SLC8A1: variants seen among roughly 807,000 people sequenced by gnomAD.
SLC8A1 encodes the protein solute carrier family 8 member A1, also known as sodium/calcium exchanger 1.
SLC8A1 carries 18 observed loss-of-function variants against 68.3 expected under a neutral mutation model. That is an observed-to-expected ratio of 0.26 (90% CI 0.18 to 0.39). The LOEUF is 0.39. SLC8A1 is among the 10% of genes least tolerant of loss of function. The pLI is 1.00. For synonymous variants in SLC8A1, 475 were observed against 415.5 expected (o/e 1.14, Z -1.74); for missense variants, 985 against 1,156.7 (o/e 0.85, Z 2.15).
intron 2 of SLC8A1, among the ~76,000 whole-genome samples, chr2:40,324,255 C>G (rs2075558538): frequency 6.6e-6 from 1 of 152,080 alleles, no homozygotes. Flanking sequence ...TGAATTGATA[C>G]TCTAAGTGAG....
intron 1 of SLC8A1, among the ~76,000 whole-genome samples, chr2:40,470,462 A>G (rs1388548514): frequency 6.6e-6 from 1 of 152,062 alleles, no homozygotes; most frequent in Non-Finnish European, 1.5e-5. Context: ...CTAGGCTAAG[A>G]CATTATTATA....
intron 2 of SLC8A1, 125 bp downstream of exon 3, chr2:40,178,262 C>A: frequency 1.3e-6 from 1 of 764,850 alleles, no homozygotes; most frequent in Non-Finnish European, 2.3e-6. Context: ...AGCATGAGAT[C>A]TGTGCCCTGT....
At chr2:40,247,760 C>G (rs2062088073) in intron 2 of SLC8A1, among the ~76,000 whole-genome samples, 1 of 152,148 alleles carries the variant, frequency 6.6e-6, no homozygotes, top group East Asian at 1.9e-4. Flanking sequence ...GGGATTATCC[C>G]TGGAAGCCCT....
At chr2:40,150,129 G>T (rs1573191165) in intron 6 of SLC8A1, among the ~76,000 whole-genome samples, 1 of 151,374 alleles carries the variant, frequency 6.6e-6, no homozygotes, top group Non-Finnish European at 1.5e-5. Flanking sequence ...ATTCTAAGAT[G>T]CTCTATCTAA....
chr2:40,166,329 G>C (rs1169642230), intron 4 of SLC8A1, among the ~76,000 whole-genome samples: 1 of 152,172 alleles, frequency 6.6e-6, no homozygotes, highest in Non-Finnish European at 1.5e-5. Context: ...AATATTTCAA[G>C]GGTCAAAACC....
At chr2:40,500,083 C>G (rs1313401340) in intron 1 of SLC8A1, among the ~76,000 whole-genome samples, 2 of 151,974 alleles carry the variant, frequency 1.3e-5, no homozygotes, top group Non-Finnish European at 2.9e-5. Context: ...AATTCATCAT[C>G]TTGTACACAT....
intron 2 of SLC8A1, among the ~76,000 whole-genome samples, chr2:40,200,224 T>TATATATATATAAATATATATATATAAA (rs1558722544): frequency 2.2e-4 from 1 of 4,570 alleles, no homozygotes; most frequent in African/African-American, 5.2e-4. Context: ...ATATATTTTT[T>TATATATATATAAATATATATATATAAA]TATATATATA....
At chr2:40,159,735 A>G (rs1256273545) in intron 6 of SLC8A1, among the ~76,000 whole-genome samples, 1 of 152,182 alleles carries the variant, frequency 6.6e-6, no homozygotes, top group Admixed American at 6.6e-5. Flanking sequence ...ATAAATTCCC[A>G]CTATATATTC....
At chr2:40,156,118 A>G (rs2044421864) in intron 6 of SLC8A1, among the ~76,000 whole-genome samples, 1 of 152,210 alleles carries the variant, frequency 6.6e-6, no homozygotes, top group South Asian at 2.1e-4. Context: ...AAGCCAGAGG[A>G]TGGGCAAGAT....
intron 2 of SLC8A1, among the ~76,000 whole-genome samples, chr2:40,314,379 C>G (rs2074159955): frequency 6.6e-6 from 1 of 151,958 alleles, no homozygotes; most frequent in African/African-American, 2.4e-5. Context: ...TTTTATGCCA[C>G]TACCACACTA....
At chr2:40,474,217 A>T (rs1216449903) in intron 1 of SLC8A1, among the ~76,000 whole-genome samples, 1 of 152,152 alleles carries the variant, frequency 6.6e-6, no homozygotes, top group African/African-American at 2.4e-5. Context: ...GGGAAACATC[A>T]GGAGATTATA....
chr2:40,189,051 AG>A (rs1436430060), intron 2 of SLC8A1, among the ~76,000 whole-genome samples: 1 of 152,156 alleles, frequency 6.6e-6, no homozygotes, highest in Admixed American at 6.5e-5. Context: ...ACTAATATCA[AG>A]GGGTAGACTA....
chr2:40,500,918 C>T (rs185514566), intron 1 of SLC8A1, among the ~76,000 whole-genome samples: 13 of 145,500 alleles, frequency 8.9e-5, no homozygotes, highest in Admixed American at 5.8e-4. Context: ...GCTCATAATC[C>T]TCCAGTGGCT....
intron 2 of SLC8A1, among the ~76,000 whole-genome samples, chr2:40,296,355 A>G (rs899517945): frequency 6.6e-6 from 1 of 152,178 alleles, no homozygotes; most frequent in African/African-American, 2.4e-5. Flanking sequence ...CCAATGGAAT[A>G]TAAGGGATTC....
At chr2:40,279,732 T>C (rs2067240174) in intron 2 of SLC8A1, among the ~76,000 whole-genome samples, 1 of 152,188 alleles carries the variant, frequency 6.6e-6, no homozygotes, top group Non-Finnish European at 1.5e-5. Context: ...TACACTGGCA[T>C]GCAAAGTAAA....
At chr2:40,277,117 A>C (rs2066803063) in intron 2 of SLC8A1, among the ~76,000 whole-genome samples, 1 of 152,242 alleles carries the variant, frequency 6.6e-6, no homozygotes, top group Admixed American at 6.5e-5. Context: ...TACTATAATA[A>C]AAACCATAAT....
chr2:40,413,188 G>C (rs1692719463), intron 2 of SLC8A1, among the ~76,000 whole-genome samples: 2 of 152,192 alleles, frequency 1.3e-5, no homozygotes, highest in Admixed American at 1.3e-4. Context: ...GTGGAAGTCG[G>C]TGTGGCGATT....
chr2:40,193,513 T>A (rs958923266), intron 2 of SLC8A1, among the ~76,000 whole-genome samples: 21 of 152,222 alleles, frequency 1.4e-4, no homozygotes, highest in Middle Eastern at 6.8e-3. Flanking sequence ...TGGAAAGGCA[T>A]GGCATGTTTA....
chr2:40,240,547 G>T (rs1280655138), intron 2 of SLC8A1, among the ~76,000 whole-genome samples: 2 of 152,088 alleles, frequency 1.3e-5, no homozygotes, highest in African/African-American at 4.8e-5. Context: ...TCCCAGAGAG[G>T]CTGTCTCTCT....
Sources: gnomAD v4.1 joint callset for allele counts (sites outside exome capture counted in the v4.1 genomes callset) on GRCh38, gnomAD v4.1.1 for gene constraint, MANE v1.5 for transcripts, NCBI Gene and HGNC (gene_info 2026-07-23, HGNC 2026-07-21) for gene names.